TAB2: variants seen among roughly 807,000 people sequenced by gnomAD.
The protein encoded by TAB2 is TGF-beta-activated kinase 1 and MAP3K7-binding protein 2.
A neutral mutation model predicts 65.0 loss-of-function variants in TAB2; 3 were observed. That is an observed-to-expected ratio of 0.05 (90% CI 0.02 to 0.12). The LOEUF (loss-of-function observed/expected upper bound fraction) is 0.12, where lower values mean the gene tolerates loss of function less well. TAB2 is among the 10% of genes least tolerant of loss of function. TAB2 has a pLI of 1.00. For synonymous variants in TAB2, 298 were observed against 285.1 expected (o/e 1.05, Z -0.46); for missense variants, 623 against 840.3 (o/e 0.74, Z 3.20).
chr6:149,358,384 G>A (rs965469218), intron 1 of TAB2, among the ~76,000 whole-genome samples: 8 of 152,046 alleles, frequency 5.3e-5, no homozygotes, highest in East Asian at 3.8e-4. Context: ...ACTCATGCTC[G>A]CATCCTGTTG....
intron 6 of TAB2, among the ~76,000 whole-genome samples, chr6:149,406,401 G>A (rs917179783): frequency 3.3e-5 from 5 of 152,286 alleles, no homozygotes; most frequent in Admixed American, 1.3e-4. Context: ...TTACGTAGGG[G>A]AGGAAAAGGA....
At chr6:149,228,203 C>A (rs745940065) in intron 1 of TAB2, among the ~76,000 whole-genome samples, 2 of 152,198 alleles carry the variant, frequency 1.3e-5, no homozygotes, top group Non-Finnish European at 2.9e-5. Flanking sequence ...GAATCCATTT[C>A]TCCCGCATTT....
intron 1 of TAB2, among the ~76,000 whole-genome samples, chr6:149,338,618 C>T (rs1462421082): frequency 6.6e-6 from 1 of 152,114 alleles, no homozygotes; most frequent in Non-Finnish European, 1.5e-5. Flanking sequence ...CACATGAAAG[C>T]TTGGAAGTTG....
intron 3 of TAB2, among the ~76,000 whole-genome samples, chr6:149,397,289 A>C (rs1162008223): frequency 6.6e-6 from 1 of 152,074 alleles, no homozygotes; most frequent in Admixed American, 6.5e-5. Context: ...TAAAAATACA[A>C]AATTAGTGGG....
rs1337872089 is a variant in TAB2, at chr6:149,402,524, A to T, written c.1939+3340A>T. ...CCAACAAAGAAAAGTCCAGAACTGG[A>T]TGGCTTCATGAGTGAATTCTGTCAA... On this transcript the variant is annotated intron_variant, in intron 6 of 6. Transcript: ENST00000637181. 2.0e-5 allele frequency among the ~76,000 whole-genome samples: 3 copies of T among 151,200 alleles called. No homozygotes were observed. In the East Asian group the frequency reaches 5.8e-4, roughly 29 times the overall value.
intron 1 of TAB2, among the ~76,000 whole-genome samples, chr6:149,256,537 G>T (rs1296757957): frequency 6.6e-6 from 1 of 152,150 alleles, no homozygotes; most frequent in Non-Finnish European, 1.5e-5. Flanking sequence ...TCAAGCCCAA[G>T]TCTTATGTGG....
chr6:149,378,520 C>T lies in TAB2; in HGVS notation c.605C>T (p.Pro202Leu). Residue 202 changes from proline to leucine, a missense_variant, in exon 3 of 7, where the codon CCA becomes CTA. Physicochemically the swap from Pro to Leu is moderately conservative, Grantham distance 98. This residue lies in a region of TAB2 where 550 missense variants were observed against 665.7 expected (regional missense o/e 0.83). Coordinates refer to ENST00000637181, the MANE Select transcript of TAB2 (RefSeq NM_001292034.3). ...TCTTTGCACATACATGGTGTACCTC[C>T]ACCTGTACTTAACAGTCCACAGGGA... Reference protein sequence around the residue: ...PTSLHIHGVPPPVLNSPQGNS... With the variant: ...PTSLHIHGVPLPVLNSPQGNS... 6.2e-7 allele frequency: 1 copy of T among 1,614,168 alleles called. No homozygotes were observed. Among genetic ancestry groups the T allele is most frequent in the Non-Finnish European group, 8.5e-7 (1 of 1,180,056 alleles).
At chr6:149,316,920 C>T (rs780486221), upstream of TAB2, among the ~76,000 whole-genome samples, 8 of 152,000 alleles carry the variant, frequency 5.3e-5, no homozygotes, top group Admixed American at 1.3e-4. Context: ...CTGCACGGGT[C>T]CCTCCCGTTA....
At chr6:149,292,958 A>T (rs188339491) in intron 1 of TAB2, among the ~76,000 whole-genome samples, 2 of 152,338 alleles carry the variant, frequency 1.3e-5, no homozygotes, top group Admixed American at 6.5e-5. Context: ...GGCCAGATGA[A>T]TAAATTAATT....
chr6:149,284,135 A>G (rs1353318424), intron 1 of TAB2, among the ~76,000 whole-genome samples: 1 of 152,106 alleles, frequency 6.6e-6, no homozygotes, highest in Non-Finnish European at 1.5e-5. Flanking sequence ...GCTCTTAGAC[A>G]CAGGGTTTAA....
At chr6:149,229,182 G>T (rs181918341) in intron 1 of TAB2, among the ~76,000 whole-genome samples, 3 of 152,294 alleles carry the variant, frequency 2.0e-5, no homozygotes, top group Admixed American at 6.5e-5. Context: ...TAAGGATAGG[G>T]CAGGGAGCAG....
intron 1 of TAB2, among the ~76,000 whole-genome samples, chr6:149,342,044 A>AT (rs141280794): frequency 0.45 from 54,275 of 120,402 alleles, 9,876 homozygotes; most frequent in East Asian, 0.62. Context: ...CCTAACAAAA[A>AT]TTAAAAAAAA....
chr6:149,334,316 T>G (rs1223913464), intron 1 of TAB2, among the ~76,000 whole-genome samples: 7 of 152,136 alleles, frequency 4.6e-5, no homozygotes, highest in Non-Finnish European at 8.8e-5. Flanking sequence ...TCTCTTGCCT[T>G]TCTTAGGGAG....
At chr6:149,266,968 T>G (rs1297820374) in intron 1 of TAB2, among the ~76,000 whole-genome samples, 1 of 152,118 alleles carries the variant, frequency 6.6e-6, no homozygotes, top group Non-Finnish European at 1.5e-5. Flanking sequence ...CCCCTAGGGC[T>G]GGGGGAGCAA....
chr6:149,293,771 A>G (rs1778824930), intron 1 of TAB2, among the ~76,000 whole-genome samples: 1 of 152,274 alleles, frequency 6.6e-6, no homozygotes. Context: ...CACTTCACAG[A>G]TAATACAACC....
At chr6:149,266,286 T>C (rs1417717556) in intron 1 of TAB2, among the ~76,000 whole-genome samples, 1 of 152,158 alleles carries the variant, frequency 6.6e-6, no homozygotes, top group Non-Finnish European at 1.5e-5. Context: ...TCTGTGTCTT[T>C]GTACGTGTGT....
chr6:149,295,947 C>T (rs9498302), intron 1 of TAB2, among the ~76,000 whole-genome samples: 11,191 of 152,004 alleles, frequency 0.074, 1,282 homozygotes, highest in African/African-American at 0.25. Flanking sequence ...AATTTTTGTA[C>T]TTTTAGTAGA....
At chr6:149,400,328 T>C in intron 6 of TAB2, 9 of 1,548,706 alleles carry the variant, frequency 5.8e-6, no homozygotes, top group Non-Finnish European at 7.9e-6. Context: ...GCTCGTGTAC[T>C]CGTTAGGTGC....
chr6:149,231,713 G>T (rs909266299), intron 1 of TAB2, among the ~76,000 whole-genome samples: 1 of 152,166 alleles, frequency 6.6e-6, no homozygotes, highest in African/African-American at 2.4e-5. Flanking sequence ...AAGTATTTTC[G>T]AAATGAGTGT....
Sources: gnomAD v4.1 joint callset for allele counts (sites outside exome capture counted in the v4.1 genomes callset) on GRCh38, gnomAD v4.1.1 for gene constraint, gnomAD v4.1.1 regional missense constraint, MANE v1.5 for transcripts, NCBI Gene and HGNC (gene_info 2026-07-23, HGNC 2026-07-21) for gene names.